Variants in DPP6 observed in about 807,000 individuals in gnomAD.
The protein encoded by DPP6 is A-type potassium channel modulatory protein DPP6.
Under a neutral mutation model 122.6 loss-of-function variants are expected in DPP6, and 69 were observed. That is an observed-to-expected ratio of 0.56 (90% CI 0.46 to 0.69). The LOEUF (loss-of-function observed/expected upper bound fraction) is 0.69, where lower values mean the gene tolerates loss of function less well. Among genes scored for constraint, DPP6 ranks in the 30% least tolerant of loss-of-function variants. The pLI is 0.00. For missense variants in DPP6, 928 were observed against 1,116.9 expected (o/e 0.83, Z 2.41); for synonymous variants, 418 against 433.1 (o/e 0.97, Z 0.43).
At chr7:154,832,568 G>A (rs941515808) in intron 16 of DPP6, among the ~76,000 whole-genome samples, 4 of 152,102 alleles carry the variant, frequency 2.6e-5, no homozygotes, top group Non-Finnish European at 4.4e-5. Context: ...CGTCTCACGC[G>A]AGGGCACACA....
intron 5 of DPP6, among the ~76,000 whole-genome samples, chr7:154,627,362 AT>A (rs933069207): frequency 1.3e-5 from 2 of 149,098 alleles, no homozygotes; most frequent in Non-Finnish European, 3.0e-5. Context: ...TGTCCAGCTA[AT>A]TTTTTTTTGT....
chr7:154,620,665 C>A (rs2130850208), intron 5 of DPP6, among the ~76,000 whole-genome samples: 1 of 152,334 alleles, frequency 6.6e-6, no homozygotes, highest in African/African-American at 2.4e-5. Flanking sequence ...CTGTGGAGTC[C>A]TCTCTATAGC....
chr7:153,810,479 T>C, the DPP6 span, among the ~76,000 whole-genome samples: 1 of 152,086 alleles, frequency 6.6e-6, no homozygotes, highest in Non-Finnish European at 1.5e-5. Context: ...TAAGAGGCAC[T>C]GGGAGGAAAT....
At chr7:153,997,838 A>G (rs1463102273) in intron 1 of DPP6, among the ~76,000 whole-genome samples, 1 of 151,512 alleles carries the variant, frequency 6.6e-6, no homozygotes, top group Non-Finnish European at 1.5e-5. Flanking sequence ...CTACATTTTA[A>G]TAAGAGGAGA....
At chr7:154,285,584 T>C (rs1260720009) in intron 1 of DPP6, among the ~76,000 whole-genome samples, 2 of 152,160 alleles carry the variant, frequency 1.3e-5, no homozygotes, top group African/African-American at 4.8e-5. Context: ...TTTTATTATA[T>C]CATTTTAGGT....
At chr7:154,184,695 AAGT>A (rs1347623686) in intron 1 of DPP6, among the ~76,000 whole-genome samples, 1 of 152,150 alleles carries the variant, frequency 6.6e-6, no homozygotes, top group Non-Finnish European at 1.5e-5. Context: ...AAAAAAAAAA[AAGT>A]AGCTGACCTG....
At chr7:154,350,521 A>T (rs1207779204) in intron 1 of DPP6, among the ~76,000 whole-genome samples, 1 of 152,194 alleles carries the variant, frequency 6.6e-6, no homozygotes, top group Non-Finnish European at 1.5e-5. Flanking sequence ...GGAGACATTC[A>T]TGATGGGGGA....
chr7:154,573,219 C>G (rs968394900), intron 5 of DPP6, among the ~76,000 whole-genome samples: 1 of 152,148 alleles, frequency 6.6e-6, no homozygotes, highest in Non-Finnish European at 1.5e-5. Flanking sequence ...TTCTGCTGGA[C>G]GAAGGCCTTG....
chr7:154,803,569 C>A (rs531782429), intron 13 of DPP6, among the ~76,000 whole-genome samples: 1 of 152,338 alleles, frequency 6.6e-6, no homozygotes, highest in South Asian at 2.1e-4. Context: ...TCCTGAGATG[C>A]TTCCATCATG....
intron 1 of DPP6, among the ~76,000 whole-genome samples, chr7:154,105,744 C>G (rs189428885): frequency 6.6e-6 from 1 of 152,122 alleles, no homozygotes. Context: ...TGTCTGCTGC[C>G]GTGGAAGACG....
intron 5 of DPP6, among the ~76,000 whole-genome samples, chr7:154,610,583 G>A (rs971181942): frequency 3.9e-5 from 6 of 152,030 alleles, no homozygotes; most frequent in East Asian, 1.9e-4. Flanking sequence ...TTGCTTCTAC[G>A]GCCAACATTC....
chr7:154,625,595 TTGTC>T lies in DPP6; in HGVS notation c.628-12222_628-12219del, dbSNP rs199890183. 1.3e-5 allele frequency among the ~76,000 whole-genome samples: 2 copies of T among 152,146 alleles called. 1 individual carries two copies. The highest frequency in any genetic ancestry group is 4.1e-4 in the South Asian group (2 of 4,830). On this transcript the variant is annotated intron_variant, in intron 5 of 25. Coordinates refer to ENST00000377770, the MANE Select transcript of DPP6 (RefSeq NM_130797.4). ...GAACCAGCTGTGCAGCACCATCTCT[TTGTC>T]TGTTTTTGGAAGTGAGCCCAATGCA...
At chr7:154,162,431 T>C (rs1797029991) in intron 1 of DPP6, among the ~76,000 whole-genome samples, 1 of 152,248 alleles carries the variant, frequency 6.6e-6, no homozygotes, top group Non-Finnish European at 1.5e-5. Flanking sequence ...AAAGGAGTTA[T>C]TAAATGTGAA....
At chr7:153,799,156 C>T in the DPP6 span, among the ~76,000 whole-genome samples, 3 of 152,152 alleles carry the variant, frequency 2.0e-5, no homozygotes, top group Non-Finnish European at 2.9e-5. Flanking sequence ...CTGGTAGCTG[C>T]CAACGGTATG....
At chr7:154,802,336 G>A (rs1383730098) in intron 13 of DPP6, among the ~76,000 whole-genome samples, 1 of 150,498 alleles carries the variant, frequency 6.6e-6, no homozygotes, top group Non-Finnish European at 1.5e-5. Context: ...CAGCTCTGAT[G>A]GAATCAGGGT....
intron 15 of DPP6, among the ~76,000 whole-genome samples, chr7:154,806,099 G>A (rs927093249): frequency 3.3e-5 from 5 of 152,064 alleles, no homozygotes; most frequent in Non-Finnish European, 4.4e-5. Context: ...ATGTTCCATC[G>A]TCACCATGTG....
intron 1 of DPP6, among the ~76,000 whole-genome samples, chr7:154,202,175 A>G (rs577422983): frequency 2.0e-5 from 3 of 152,334 alleles, no homozygotes; most frequent in African/African-American, 7.2e-5. Context: ...TGTCCATGGC[A>G]TGAGTCGTGC....
chr7:153,943,488 C>A (rs1801793526), intron 1 of DPP6, among the ~76,000 whole-genome samples: 1 of 152,148 alleles, frequency 6.6e-6, no homozygotes. Context: ...ATTTGCTCAG[C>A]TGTTTTTCCT....
intron 17 of DPP6, among the ~76,000 whole-genome samples, chr7:154,857,473 C>T (rs1048206807): frequency 5.1e-4 from 77 of 152,346 alleles, no homozygotes; most frequent in African/African-American, 1.8e-3. Context: ...CCCTGAGTTC[C>T]AGCCTCCAGG....
Sources: gnomAD v4.1 joint callset for allele counts (sites outside exome capture counted in the v4.1 genomes callset) on GRCh38, gnomAD v4.1.1 for gene constraint, MANE v1.5 for transcripts, NCBI Gene and HGNC (gene_info 2026-07-23, HGNC 2026-07-21) for gene names.